SLC71A1: variants seen among roughly 807,000 people sequenced by gnomAD.
SLC71A1 encodes solute carrier family 71 member 1.
the SLC71A1 span, chr1:100,068,501 T>C: frequency 6.2e-7 from 1 of 1,613,550 alleles, no homozygotes; most frequent in Admixed American, 1.7e-5. Flanking sequence ...CAAGATTCCA[T>C]AGTGCTGCTG....
chr1:100,077,372 T>A, the SLC71A1 span: 1 of 670,904 alleles, frequency 1.5e-6, no homozygotes. Flanking sequence ...CTGTAATCTG[T>A]CTCATACTAT....
At chr1:100,044,600 C>T in the SLC71A1 span, among the ~76,000 whole-genome samples, 2 of 149,090 alleles carry the variant, frequency 1.3e-5, no homozygotes, top group African/African-American at 2.5e-5. Flanking sequence ...CCTGCAACCT[C>T]TGCCTCTCAG....
chr1:100,051,098 CAAAA>C, the SLC71A1 span, among the ~76,000 whole-genome samples: 6 of 127,268 alleles, frequency 4.7e-5, no homozygotes, highest in East Asian at 2.3e-4. Flanking sequence ...AAAAAAAAAA[CAAAA>C]AAAAAAACAG....
At chr1:100,064,447 A>T in the SLC71A1 span, among the ~76,000 whole-genome samples, 2 of 152,136 alleles carry the variant, frequency 1.3e-5, no homozygotes, top group African/African-American at 2.4e-5. Context: ...AATATATTAA[A>T]TACCATTTAA....
At chr1:100,038,719 G>A in the SLC71A1 span, among the ~76,000 whole-genome samples, 1 of 152,220 alleles carries the variant, frequency 6.6e-6, no homozygotes, top group African/African-American at 2.4e-5. Flanking sequence ...CGCCGCGCTT[G>A]TCAAGGGGCT....
At chr1:100,038,483 G>C in the SLC71A1 span, among the ~76,000 whole-genome samples, 252 of 152,288 alleles carry the variant, frequency 1.7e-3, 3 homozygotes, top group African/African-American at 5.7e-3. Context: ...GCCGCTCCGG[G>C]AATCGTCCTC....
the SLC71A1 span, among the ~76,000 whole-genome samples, chr1:100,047,871 A>C: frequency 6.6e-6 from 1 of 152,186 alleles, no homozygotes; most frequent in Non-Finnish European, 1.5e-5. Context: ...CTCTTAAATA[A>C]ACAAAGCATT....
At chr1:100,051,441 TA>T in the SLC71A1 span, among the ~76,000 whole-genome samples, 558 of 147,668 alleles carry the variant, frequency 3.8e-3, 3 homozygotes, top group African/African-American at 0.013. Flanking sequence ...AGTATTGCTA[TA>T]AAAAAATATC....
At chr1:100,038,184 T>C in the SLC71A1 span, 5 of 1,503,030 alleles carry the variant, frequency 3.3e-6, no homozygotes, top group African/African-American at 6.9e-5. Flanking sequence ...TGCTGGGGCC[T>C]GCCGCCCCGG....
At chr1:100,048,985 C>T in the SLC71A1 span, among the ~76,000 whole-genome samples, 1 of 152,202 alleles carries the variant, frequency 6.6e-6, no homozygotes, top group Non-Finnish European at 1.5e-5. Flanking sequence ...TTATCAAGCT[C>T]CTCCCAATTT....
At chr1:100,043,620 A>G in the SLC71A1 span, among the ~76,000 whole-genome samples, 1 of 151,900 alleles carries the variant, frequency 6.6e-6, no homozygotes, top group Non-Finnish European at 1.5e-5. Flanking sequence ...TTTTGGTTAC[A>G]TAGATGTTTT....
At chr1:100,052,182 GA>G in the SLC71A1 span, among the ~76,000 whole-genome samples, 1 of 151,944 alleles carries the variant, frequency 6.6e-6, no homozygotes, top group Non-Finnish European at 1.5e-5. Flanking sequence ...AGCAAGCTAT[GA>G]AAAAAAGCAT....
At chr1:100,068,287 C>A in the SLC71A1 span, 1 of 1,085,466 alleles carries the variant, frequency 9.2e-7, no homozygotes, top group Non-Finnish European at 1.3e-6. Context: ...TTAGGGAAAA[C>A]ATCTTGGGTT....
At chr1:100,038,096 G>A in the SLC71A1 span, 20 of 722,558 alleles carry the variant, frequency 2.8e-5, no homozygotes, top group Non-Finnish European at 4.7e-5. Flanking sequence ...CGCGCCGCCG[G>A]AGGCAGGCCG....
At chr1:100,077,146 CT>C in the SLC71A1 span, 154,066 of 805,216 alleles carry the variant, frequency 0.19, 1 homozygote, top group East Asian at 0.24. Flanking sequence ...TCTGATAAAT[CT>C]TTTTTTTTTT....
chr1:100,059,277 G>C, the SLC71A1 span, among the ~76,000 whole-genome samples: 1 of 147,694 alleles, frequency 6.8e-6, no homozygotes, highest in Admixed American at 6.9e-5. Context: ...TTCTGCCTCA[G>C]CCTCCTAAGT....
chr1:100,068,143 G>A, the SLC71A1 span: 16 of 1,614,012 alleles, frequency 9.9e-6, no homozygotes, highest in Non-Finnish European at 1.4e-5. Context: ...GAGAAAATGC[G>A]GCCAGCATCC....
the SLC71A1 span, among the ~76,000 whole-genome samples, chr1:100,069,436 A>G: frequency 6.6e-6 from 1 of 152,228 alleles, no homozygotes; most frequent in African/African-American, 2.4e-5. Flanking sequence ...ATGGATAAGT[A>G]GGCATTTTTA....
At chr1:100,057,498 G>T in the SLC71A1 span, among the ~76,000 whole-genome samples, 1 of 151,900 alleles carries the variant, frequency 6.6e-6, no homozygotes, top group Non-Finnish European at 1.5e-5. Context: ...TGGATTGCAG[G>T]CGCCTGCCAC....
Sources: allele counts gnomAD v4.1 joint callset (sites outside exome capture counted in the v4.1 genomes callset), GRCh38; gene constraint gnomAD v4.1.1; transcripts MANE v1.5; gene names NCBI Gene and HGNC (gene_info 2026-07-23, HGNC 2026-07-21).